SDS: variants seen among roughly 807,000 people sequenced by gnomAD.
SDS encodes L-serine dehydratase/L-threonine deaminase.
A neutral mutation model predicts 29.3 loss-of-function variants in SDS; 19 were observed. The observed-to-expected ratio is 0.65, with a 90% confidence interval of 0.45 to 0.95. The LOEUF is 0.95. Ranked by LOEUF, SDS falls within the 40% of genes least tolerant of loss-of-function variation. SDS has a pLI of 0.00. For synonymous variants in SDS, 176 were observed against 189.0 expected, an observed-to-expected ratio of 0.93 and a Z score of 0.56; for missense variants, 375 against 439.9, an observed-to-expected ratio of 0.85 and a Z score of 1.32.
chr12:113,399,179 GGCCCACCTCCCAGTCA>G, intron 2 of SDS, 28 bp from the exon 3 acceptor site: 2 of 1,612,774 alleles, frequency 1.2e-6, no homozygotes, highest in Non-Finnish European at 1.7e-6. Context: ...GAGGCACTCA[GGCCCACCTCCCAGTCA>G]TTGCCTGTGC....
rs1957618301 is a variant in SDS, at chr12:113,392,697, T to C, written c.*244A>G. 1 of 507,730 alleles carries C rather than the reference T, an allele frequency of 2.0e-6. No homozygotes were observed. The highest frequency in any genetic ancestry group is 3.8e-5 in the Admixed American group (1 of 26,618). 31.5% of individuals were successfully genotyped at this position (507,730 alleles called of 1,614,324 possible). A position where few individuals can be genotyped will look rare whatever the true frequency, so the allele number is the denominator to read the frequency against. Reference sequence around the variant, plus strand: ...CTGGTGTGTTACTTGTGGGCACTTGTCACGCCAGCAAGTTGGCTAAGGATG... The same window carrying C: ...CTGGTGTGTTACTTGTGGGCACTTGCCACGCCAGCAAGTTGGCTAAGGATG... On this transcript the variant is annotated 3_prime_UTR_variant, in exon 8 of 8. Coordinates refer to ENST00000257549, the MANE Select transcript of SDS (RefSeq NM_006843.3).
Position 113,399,693 on chromosome 12 carries a change from G to A in SDS, c.16C>T (p.Pro6Ser), listed in dbSNP as rs1169903668. 1 of 1,590,834 alleles carries A rather than the reference G, an allele frequency of 6.3e-7. No homozygotes were observed. The highest frequency in any genetic ancestry group is 8.5e-7 in the Non-Finnish European group (1 of 1,170,658). MMSGE[P>S]LHVKTPIRDS... ...CGGATGGGGGTCTTCACGTGCAGGG[G>A]TTCTCCAGACATCATTCCTGGGAGA... Residue 6 changes from proline (P) to serine (S), a missense_variant, in exon 2 of 8, where the codon CCC (proline) becomes TCC (serine). Coordinates refer to ENST00000257549, the MANE Select transcript of SDS (RefSeq NM_006843.3).
rs1957629356 is a variant in SDS at position 113,394,016 on chromosome 12, A to G, written c.654T>C (p.Ser218=). The G allele has an allele frequency of 1.9e-6, 3 of 1,613,754 alleles. No individual in the cohort carries two copies. Among genetic ancestry groups the G allele is most frequent in the African/African-American group, 2.7e-5 (2 of 74,884 alleles). ...TCTTCACGCCCAGGGCCTTGGCAAC[A>G]CTGAGAGAAGTGGGAACCCAGAAGA... ...GKLVSLPKIT[S]VAKALGVKTV... is the part of the protein sequence containing the mutation. Residue 218 remains serine (S), a splice_region_variant and synonymous_variant, in exon 7 of 8, where the codon AGT becomes AGC. Coordinates refer to ENST00000257549, the MANE Select transcript of SDS (RefSeq NM_006843.3).
intron 2 of SDS, 130 bp from the exon 3 acceptor site, chr12:113,399,281 C>A (rs765864222): frequency 6.5e-6 from 7 of 1,073,268 alleles, no homozygotes; most frequent in Non-Finnish European, 9.8e-6. Context: ...TTTGTTCTAC[C>A]CTTGTCTGAG....
intron 5 of SDS, among the ~76,000 whole-genome samples, chr12:113,398,077 GTT>G (rs1175436592): frequency 8.5e-6 from 1 of 117,954 alleles, no homozygotes. Context: ...TTTTTTTTTT[GTT>G]TTTTTTTTTG....
Position 113,392,697 on chromosome 12 carries a change from T to A in SDS, c.*244A>T. ...CTGGTGTGTTACTTGTGGGCACTTGTCACGCCAGCAAGTTGGCTAAGGATG... is the reference window on the plus strand; with the variant it reads ...CTGGTGTGTTACTTGTGGGCACTTGACACGCCAGCAAGTTGGCTAAGGATG... On this transcript the variant is annotated 3_prime_UTR_variant, in exon 8 of 8. Transcript: ENST00000257549. The A allele has an allele frequency of 3.9e-6, 2 of 507,848 alleles. No homozygotes were observed. Among genetic ancestry groups the A allele is most frequent in the Non-Finnish European group, 7.0e-6 (2 of 285,950 alleles). The allele number at this position is 507,848 out of a possible 1,614,324, so 31.5% of individuals were successfully genotyped here.
In SDS at chr12:113,397,373, C is replaced by G; in HGVS notation, c.445G>C (p.Val149Leu). 1 of 1,610,160 alleles carries G rather than the reference C, an allele frequency of 6.2e-7. No individual in the cohort carries two copies. Among genetic ancestry groups the G allele is most frequent in the South Asian group, 1.1e-5 (1 of 90,890 alleles). ...PLIWEGHASI[V>L]KELKETLWEK... ...CACAGTGTCTCCTTCAGCTCTTTCACGATGGAAGCGTGGCCTTCCCTGGAG... is the reference window on the plus strand; with the variant it reads ...CACAGTGTCTCCTTCAGCTCTTTCAGGATGGAAGCGTGGCCTTCCCTGGAG... The change falls in exon 6 of 8, where the codon GTG becomes CTG. Residue 149 changes from valine (V) to leucine (L), a missense_variant. Physicochemically the swap from Val to Leu is conservative, Grantham distance 32. Transcript: ENST00000257549.
At chr12:113,394,352 T>G (rs1957632512) in intron 6 of SDS, among the ~76,000 whole-genome samples, 1 of 151,158 alleles carries the variant, frequency 6.6e-6, no homozygotes, top group Non-Finnish European at 1.5e-5. Context: ...TGTTTTTTTT[T>G]TTTTTTAGAC....
intron 3 of SDS, 48 bp downstream of exon 3, chr12:113,399,064 A>C: frequency 6.2e-7 from 1 of 1,605,510 alleles, no homozygotes; most frequent in Non-Finnish European, 8.5e-7. Flanking sequence ...AGAGTGTCTG[A>C]TCCCAGGACA....
intron 6 of SDS, among the ~76,000 whole-genome samples, chr12:113,394,661 G>A (rs539719466): frequency 6.6e-6 from 1 of 152,198 alleles, no homozygotes; most frequent in Non-Finnish European, 1.5e-5. Flanking sequence ...TTGAACTCCT[G>A]GGCTCAAGTG....
At chr12:113,399,298 C>T in intron 2 of SDS, 147 bp from the exon 3 acceptor site, 1 of 910,966 alleles carries the variant, frequency 1.1e-6, no homozygotes, top group South Asian at 1.5e-5. Context: ...TGAGACTGCA[C>T]CTCCCATCTC....
chr12:113,393,852 T>C lies in SDS; in HGVS notation c.778+40A>G, dbSNP rs781620364. 12 of 1,612,890 alleles carry C rather than the reference T, an allele frequency of 7.4e-6. No homozygotes were observed. In the South Asian group the frequency reaches 1.3e-4, roughly 18 times the overall value. ...ACCAAGTGGACAGCCACTTAGCGCC[T>C]GAGTCAGCAGGTCAGGTCATGGGAG... On this transcript the variant is annotated intron_variant, in intron 7 of 7. Transcript: ENST00000257549.
intron 6 of SDS, 100 bp from the exon 7 acceptor site, chr12:113,394,116 G>T (rs1957630314): frequency 1.7e-6 from 2 of 1,153,180 alleles, no homozygotes; most frequent in Admixed American, 2.1e-5. Flanking sequence ...GACAGAGAAG[G>T]CAATGCATCT....
In SDS at chr12:113,397,314, G is replaced by A. The variant is rs185843116; in HGVS notation, c.504C>T (p.Gly168=). The A allele has an allele frequency of 5.0e-5, 80 of 1,614,044 alleles. No homozygotes were observed. The African/African-American group carries it at 7.2e-4, about 15-fold the overall frequency. ...CCACTCCACACAGCAGGCCCCCGCC[G>A]CCCACTGACAGCGCGATGGCCCCCG... ...EKPGAIALSV[G]GGGLLCGVVQ... Residue 168 remains glycine, a synonymous_variant, in exon 6 of 8, where the codon GGC becomes GGT. Coordinates refer to ENST00000257549, the MANE Select transcript of SDS (RefSeq NM_006843.3).
chr12:113,399,429 T>C (rs571159976), intron 2 of SDS, 127 bp downstream of exon 2: 7 of 1,184,226 alleles, frequency 5.9e-6, no homozygotes, highest in Non-Finnish European at 8.1e-6. Context: ...TGGTGGACGC[T>C]CAGTCCTTGC....
chr12:113,399,527 GC>G (rs1957670849), intron 2 of SDS, 28 bp downstream of exon 2: 2 of 1,520,846 alleles, frequency 1.3e-6, no homozygotes, highest in African/African-American at 1.4e-5. Context: ...TGCCACCCCT[GC>G]CCAGATAATG....
In SDS at chr12:113,397,747, C is replaced by T. The variant is rs181562900; in HGVS notation, c.426-355G>A. ...GGGATTAAGCTCTAGCCACCCACAGCGGCCACCTGCCTTTGAAAGCCCCCT... is the reference window on the plus strand; with the variant it reads ...GGGATTAAGCTCTAGCCACCCACAGTGGCCACCTGCCTTTGAAAGCCCCCT... On this transcript the variant is annotated intron_variant, in intron 5 of 7. Transcript: ENST00000257549. Among the ~76,000 whole-genome samples the T allele has an allele frequency of 2.0e-4, 31 of 152,320 alleles. 1 individual carries two copies. The highest frequency in any genetic ancestry group is 5.1e-4 in the African/African-American group (21 of 41,572).
chr12:113,393,871 A>G (rs1325354650), intron 7 of SDS, 21 bp downstream of exon 7: 1 of 1,614,006 alleles, frequency 6.2e-7, no homozygotes, highest in Non-Finnish European at 8.5e-7. Context: ...AGGTCAGGTC[A>G]TGGGAGGACC....
intron 6 of SDS, among the ~76,000 whole-genome samples, chr12:113,396,486 T>TTC (rs1555207520): frequency 7.9e-6 from 1 of 126,584 alleles, no homozygotes; most frequent in Non-Finnish European, 1.6e-5. Context: ...TCTTTCTCTC[T>TTC]CTTTCTTTCC....
Sources: allele counts gnomAD v4.1 joint callset (sites outside exome capture counted in the v4.1 genomes callset), GRCh38; gene constraint gnomAD v4.1.1; transcripts MANE v1.5; gene names NCBI Gene and HGNC (gene_info 2026-07-23, HGNC 2026-07-21).